The following UBE2D1 variants were observed in gnomAD, a reference collection of about 807,000 sequenced individuals.
The protein encoded by UBE2D1 is ubiquitin conjugating enzyme E2 D1, also known as ubiquitin-conjugating enzyme E2 D1.
In UBE2D1, 9 loss-of-function variants were observed where a neutral mutation model predicts 24.6. The ratio of observed to expected loss-of-function variants is 0.37; its 90% CI spans 0.22 to 0.64. UBE2D1 has a LOEUF of 0.64. Among genes scored for constraint, UBE2D1 ranks in the 30% least tolerant of loss-of-function variants. The probability of loss-of-function intolerance (pLI) is 0.64; values close to 1 mark genes in which losing one functional copy is unlikely to be tolerated. For missense variants in UBE2D1, 87 were observed against 177.1 expected (o/e 0.49, Z 2.89); for synonymous variants, 57 against 57.6 (o/e 0.99, Z 0.04).
At chr10:58,359,530 C>T (rs1009760345) in intron 1 of UBE2D1, among the ~76,000 whole-genome samples, 2 of 152,106 alleles carry the variant, frequency 1.3e-5, no homozygotes, top group African/African-American at 4.8e-5. Flanking sequence ...TTCTTCATAT[C>T]ACAAGGATTA....
intron 1 of UBE2D1, among the ~76,000 whole-genome samples, chr10:58,351,098 G>A (rs1411145651): frequency 6.6e-6 from 1 of 152,164 alleles, no homozygotes; most frequent in African/African-American, 2.4e-5. Context: ...AGTTGTTCTG[G>A]GTAAGTCAGC....
At chr10:58,347,878 ACCTCAGGTGATCTCCCCGCCTTGG>A (rs1190226544) in intron 1 of UBE2D1, among the ~76,000 whole-genome samples, 1 of 152,024 alleles carries the variant, frequency 6.6e-6, no homozygotes, top group African/African-American at 2.4e-5. Context: ...CGAACTCCTG[ACCTCAGGTGATCTCCCCGCCTTGG>A]CCTCCCAAAG....
chr10:58,335,114 G>A lies in UBE2D1; in HGVS notation c.-88G>A, dbSNP rs1391710833. On this transcript the variant is annotated 5_prime_UTR_variant, in exon 1 of 7. Transcript: ENST00000373910. ...CCCACCGCGCGGAGCCAGCCTAGCT[G>A]CCAGCGAGCCCAACCCGCGACGACC... 9.8e-6 allele frequency: 14 copies of A among 1,431,316 alleles called. No individual in the cohort carries two copies. In the East Asian group the frequency reaches 3.6e-4, roughly 37 times the overall value. 88.7% of individuals were successfully genotyped at this position (1,431,316 alleles called of 1,614,324 possible).
rs1564562645 is a variant in UBE2D1, at chr10:58,364,885, A to G, written c.304+9A>G. On this transcript the variant is annotated intron_variant, in intron 5 of 6. Transcript: ENST00000373910. ...TCTGACTGTATCAAAAGGTAATTTC[A>G]TTGATCAGGTTTGAAACAGTTGATA... is the stretch of plus-strand genomic sequence containing the variant. 1 of 1,601,690 alleles carries G rather than the reference A, an allele frequency of 6.2e-7. No individual in the cohort carries two copies. The highest frequency in any genetic ancestry group is 8.6e-7 in the Non-Finnish European group (1 of 1,169,466).
In UBE2D1 at chr10:58,335,167, C is replaced by T. The variant is rs781357658; in HGVS notation, c.-35C>T. 1.3e-6 allele frequency: 2 copies of T among 1,541,098 alleles called. No individual in the cohort carries two copies. Among genetic ancestry groups the T allele is most frequent in the Admixed American group, 3.9e-5 (2 of 51,380 alleles). On this transcript the variant is annotated 5_prime_UTR_variant, in exon 1 of 7. Transcript: ENST00000373910. ...CGCCCCTGAGCCCCGCAGCCGACCC[C>T]TGCCGGCCGGTGTCCCCACCGCCAT...
At chr10:58,351,068 A>G (rs573102947) in intron 1 of UBE2D1, among the ~76,000 whole-genome samples, 5 of 152,338 alleles carry the variant, frequency 3.3e-5, no homozygotes, top group African/African-American at 1.2e-4. Flanking sequence ...CTTACCATAA[A>G]TGGAGTTCGC....
intron 1 of UBE2D1, among the ~76,000 whole-genome samples, chr10:58,350,806 A>G (rs1840066786): frequency 6.6e-6 from 1 of 152,102 alleles, no homozygotes; most frequent in East Asian, 1.9e-4. Context: ...TCGTTAGGCA[A>G]TTTTGTCATT....
In UBE2D1 at chr10:58,335,131, G is replaced by A. The variant is rs1287828511; in HGVS notation, c.-71G>A. On this transcript the variant is annotated 5_prime_UTR_variant, in exon 1 of 7. Transcript: ENST00000373910. ...GCCTAGCTGCCAGCGAGCCCAACCC[G>A]CGACGACCCACGCCCCTGAGCCCCG... 2 of 1,504,970 alleles carry A rather than the reference G, an allele frequency of 1.3e-6. No individual in the cohort carries two copies. The highest frequency in any genetic ancestry group is 2.4e-5 in the South Asian group (2 of 83,056). 93.2% of individuals were successfully genotyped at this position (1,504,970 alleles called of 1,614,324 possible).
chr10:58,354,912 C>G (rs955198546), intron 1 of UBE2D1, among the ~76,000 whole-genome samples: 2 of 152,124 alleles, frequency 1.3e-5, no homozygotes, highest in African/African-American at 4.8e-5. Context: ...AAATCCACTG[C>G]ATTAACATAA....
chr10:58,339,545 T>C (rs1424553164), intron 1 of UBE2D1, among the ~76,000 whole-genome samples: 2 of 152,154 alleles, frequency 1.3e-5, no homozygotes, highest in Non-Finnish European at 1.5e-5. Context: ...AAAACCAGGG[T>C]GTTTGTAATC....
rs1840095924 is a variant in UBE2D1, at chr10:58,353,180, A to G, written c.25-8158A>G. On this transcript the variant is annotated intron_variant, in intron 1 of 6. Coordinates refer to ENST00000373910, the MANE Select transcript of UBE2D1 (RefSeq NM_003338.5). Reference sequence around the variant, plus strand: ...ATTTATGAGGATTTTTATTAGCATCATAATCTGATACTATTGCATTAAATC... The same window carrying G: ...ATTTATGAGGATTTTTATTAGCATCGTAATCTGATACTATTGCATTAAATC... 2.6e-5 allele frequency among the ~76,000 whole-genome samples: 4 copies of G among 152,356 alleles called. No homozygotes were observed. In the South Asian group the frequency reaches 8.3e-4, roughly 32 times the overall value.
intron 1 of UBE2D1, among the ~76,000 whole-genome samples, chr10:58,358,300 A>G (rs915128672): frequency 6.6e-6 from 1 of 152,210 alleles, no homozygotes; most frequent in Non-Finnish European, 1.5e-5. Flanking sequence ...AAATGAGGGC[A>G]AAGAAGTCCC....
intron 1 of UBE2D1, among the ~76,000 whole-genome samples, chr10:58,356,902 C>G (rs1840137075): frequency 6.6e-6 from 1 of 152,126 alleles, no homozygotes; most frequent in African/African-American, 2.4e-5. Flanking sequence ...TCTTTGAGAT[C>G]TTTTAATGCA....
At chr10:58,353,597 G>C (rs943334230) in intron 1 of UBE2D1, among the ~76,000 whole-genome samples, 3 of 152,170 alleles carry the variant, frequency 2.0e-5, no homozygotes, top group Admixed American at 1.3e-4. Context: ...CAAGAATTTT[G>C]TGTGGCTTTG....
chr10:58,338,207 C>A (rs901877352), intron 1 of UBE2D1, among the ~76,000 whole-genome samples: 1 of 152,034 alleles, frequency 6.6e-6, no homozygotes, highest in Non-Finnish European at 1.5e-5. Flanking sequence ...TTTCACATTT[C>A]TTCACTATGA....
Position 58,351,368 on chromosome 10 carries a change from A to G in UBE2D1, c.25-9970A>G, listed in dbSNP as rs184844124. Among the ~76,000 whole-genome samples, 167 of 152,292 alleles carry G rather than the reference A, an allele frequency of 1.1e-3. 1 individual carries two copies. The highest frequency in any genetic ancestry group is 0.011 in the Admixed American group (161 of 15,304). ...TATATAAAAATATTTCCTTTTTAATATCCTTGTTCTATAAGCTTCTATTTT... is the reference window on the plus strand; with the variant it reads ...TATATAAAAATATTTCCTTTTTAATGTCCTTGTTCTATAAGCTTCTATTTT... On this transcript the variant is annotated intron_variant, in intron 1 of 6. Transcript: ENST00000373910.
intron 5 of UBE2D1, among the ~76,000 whole-genome samples, chr10:58,366,590 A>G (rs1017253728): frequency 1.3e-5 from 2 of 151,800 alleles, no homozygotes; most frequent in Non-Finnish European, 2.9e-5. Context: ...TTAAATTTTT[A>G]ATTTGTTTAT....
chr10:58,349,854 C>T (rs1409090970), intron 1 of UBE2D1, among the ~76,000 whole-genome samples: 3 of 152,092 alleles, frequency 2.0e-5, no homozygotes, highest in Admixed American at 6.6e-5. Context: ...TCTCTATCAC[C>T]GTACATTACT....
chr10:58,360,732 C>G (rs79070101), intron 1 of UBE2D1, among the ~76,000 whole-genome samples: 10,825 of 152,114 alleles, frequency 0.071, 477 homozygotes, highest in African/African-American at 0.13. Flanking sequence ...ACAACCTGTT[C>G]AACATGGCGA....
Sources: gnomAD v4.1 joint callset for allele counts (sites outside exome capture counted in the v4.1 genomes callset) on GRCh38, gnomAD v4.1.1 for gene constraint, MANE v1.5 for transcripts, NCBI Gene and HGNC (gene_info 2026-07-23, HGNC 2026-07-21) for gene names.